Variants in ADAMTSL1 observed in about 807,000 individuals in gnomAD.
The protein encoded by ADAMTSL1 is ADAMTS-like protein 1.
Under a neutral mutation model 201.8 loss-of-function variants are expected in ADAMTSL1, and 126 were observed. The ratio of observed to expected loss-of-function variants is 0.62; its 90% CI spans 0.54 to 0.72. The LOEUF (loss-of-function observed/expected upper bound fraction) is 0.72, where lower values mean the gene tolerates loss of function less well. Ranked by LOEUF, ADAMTSL1 falls within the 30% of genes least tolerant of loss-of-function variation. The pLI is 0.00. For synonymous variants in ADAMTSL1, 1,121 were observed against 903.4 expected, an observed-to-expected ratio of 1.24 and a Z score of -4.32; for missense variants, 2,679 against 2,277.8, an observed-to-expected ratio of 1.18 and a Z score of -3.59.
intron 1 of ADAMTSL1, among the ~76,000 whole-genome samples, chr9:18,033,731 G>T (rs186457362): frequency 4.5e-4 from 68 of 152,276 alleles, no homozygotes; most frequent in African/African-American, 1.4e-3. Flanking sequence ...GCACGCTATA[G>T]TTCCATCTTT....
At chr9:18,778,612 T>A (rs1191699071) in intron 19 of ADAMTSL1, among the ~76,000 whole-genome samples, 1 of 152,222 alleles carries the variant, frequency 6.6e-6, no homozygotes, top group Non-Finnish European at 1.5e-5. Context: ...TTGTACATAT[T>A]TTGTCTCTTT....
At chr9:18,602,762 A>T (rs1824744767) in intron 4 of ADAMTSL1, among the ~76,000 whole-genome samples, 1 of 152,210 alleles carries the variant, frequency 6.6e-6, no homozygotes, top group African/African-American at 2.4e-5. Flanking sequence ...TTCTGTAGGT[A>T]ATCTATGATA....
chr9:18,861,274 C>T (rs761632561), intron 23 of ADAMTSL1, among the ~76,000 whole-genome samples: 1 of 152,210 alleles, frequency 6.6e-6, no homozygotes, highest in African/African-American at 2.4e-5. Flanking sequence ...CCAAAAAGAA[C>T]TGATTCAATC....
chr9:18,310,078 C>G (rs568652936), intron 2 of ADAMTSL1, among the ~76,000 whole-genome samples: 21 of 152,072 alleles, frequency 1.4e-4, no homozygotes, highest in Non-Finnish European at 2.9e-4. Flanking sequence ...CAAATACAAG[C>G]TATGGGGAAA....
chr9:18,502,591 A>G (rs1464972012), intron 1 of ADAMTSL1, among the ~76,000 whole-genome samples: 1 of 152,178 alleles, frequency 6.6e-6, no homozygotes, highest in African/African-American at 2.4e-5. Context: ...TTAAGGATTG[A>G]TTTTAATAAT....
chr9:18,337,584 G>T (rs150806009), intron 2 of ADAMTSL1, among the ~76,000 whole-genome samples: 1 of 152,004 alleles, frequency 6.6e-6, no homozygotes, highest in Non-Finnish European at 1.5e-5. Flanking sequence ...GTTAACCCAG[G>T]GTCACACTGC....
At chr9:18,108,414 G>A (rs1331473948) in intron 1 of ADAMTSL1, among the ~76,000 whole-genome samples, 1 of 151,816 alleles carries the variant, frequency 6.6e-6, no homozygotes, top group Non-Finnish European at 1.5e-5. Flanking sequence ...TGCACAGGCT[G>A]GTCTTGAACT....
chr9:18,317,688 C>T (rs2132835408), intron 2 of ADAMTSL1, among the ~76,000 whole-genome samples: 1 of 152,340 alleles, frequency 6.6e-6, no homozygotes, highest in African/African-American at 2.4e-5. Flanking sequence ...CAGCACCCAG[C>T]CTGCTCACCC....
intron 1 of ADAMTSL1, among the ~76,000 whole-genome samples, chr9:17,991,619 C>T (rs80032922): frequency 6.6e-6 from 1 of 152,202 alleles, no homozygotes; most frequent in South Asian, 2.1e-4. Context: ...CTCCAATGTC[C>T]TACTGCATTG....
chr9:18,294,538 G>T (rs1320034817), intron 2 of ADAMTSL1, among the ~76,000 whole-genome samples: 1 of 152,134 alleles, frequency 6.6e-6, no homozygotes, highest in Non-Finnish European at 1.5e-5. Flanking sequence ...TTCCAGGTTT[G>T]CACAGAGGAG....
chr9:18,885,259 G>A (rs1828779752), intron 23 of ADAMTSL1, among the ~76,000 whole-genome samples: 1 of 152,106 alleles, frequency 6.6e-6, no homozygotes, highest in Admixed American at 6.5e-5. Flanking sequence ...GACAAATAAG[G>A]GCTGAATTCA....
intron 9 of ADAMTSL1, among the ~76,000 whole-genome samples, chr9:18,674,340 C>CG (rs1193870671): frequency 2.0e-5 from 3 of 152,054 alleles, no homozygotes; most frequent in African/African-American, 7.2e-5. Context: ...ATGACCTTCC[C>CG]TCCTGGAAAT....
chr9:18,680,741 T>C, intron 11 of ADAMTSL1: 3 of 544,566 alleles, frequency 5.5e-6, no homozygotes, highest in South Asian at 4.4e-5. Context: ...AAGCCTCTAT[T>C]GTTCCCCAGA....
rs537068354 is a variant in ADAMTSL1 at position 18,332,167 on chromosome 9, G to A, written c.207+168186G>A. On this transcript the variant is annotated intron_variant, in intron 2 of 29. Coordinates refer to the ADAMTSL1 transcript ENST00000680146. ...GTCAATATATTATATAACTACAAAA[G>A]GCACACTCCTCACTGTACTTTTATA... Among the ~76,000 whole-genome samples, 10 of 152,136 alleles carry A rather than the reference G, an allele frequency of 6.6e-5. No homozygotes were observed. The South Asian group carries it at 2.1e-3, about 32-fold the overall frequency.
chr9:18,511,359 A>G (rs969286458), intron 2 of ADAMTSL1, among the ~76,000 whole-genome samples: 2 of 151,854 alleles, frequency 1.3e-5, no homozygotes, highest in Non-Finnish European at 2.9e-5. Flanking sequence ...GCTGTTTCAT[A>G]TCTATCCAAA....
At chr9:17,956,695 C>T (rs1441437445) in intron 1 of ADAMTSL1, among the ~76,000 whole-genome samples, 5 of 152,120 alleles carry the variant, frequency 3.3e-5, no homozygotes, top group Non-Finnish European at 7.3e-5. Context: ...ATGCAAGTCA[C>T]TAAGGCCAGC....
rs1258079815 is a variant in ADAMTSL1 at position 18,084,089 on chromosome 9, C to G, written c.88-79773C>G. On this transcript the variant is annotated intron_variant, in intron 1 of 29. Transcript: ENST00000680146. Reference sequence around the variant, plus strand: ...CCATTTCCCATTGTAGACAAGTTTCCCTACCTCCCAAACAAATTCTTTGCC... The same window carrying G: ...CCATTTCCCATTGTAGACAAGTTTCGCTACCTCCCAAACAAATTCTTTGCC... 2.0e-5 allele frequency among the ~76,000 whole-genome samples: 3 copies of G among 152,198 alleles called. No homozygotes were observed. The East Asian group carries it at 5.8e-4, about 29-fold the overall frequency.
intron 20 of ADAMTSL1, among the ~76,000 whole-genome samples, chr9:18,813,991 A>G (rs919170790): frequency 6.6e-6 from 1 of 152,080 alleles, no homozygotes; most frequent in African/African-American, 2.4e-5. Flanking sequence ...TCTCAACCTA[A>G]TTTGTTATGA....
chr9:18,165,465 A>G (rs1827590278), intron 2 of ADAMTSL1, among the ~76,000 whole-genome samples: 1 of 151,860 alleles, frequency 6.6e-6, no homozygotes, highest in Admixed American at 6.6e-5. Context: ...TATTATTACT[A>G]CCTAATATTA....
Sources: gnomAD v4.1 joint callset for allele counts (sites outside exome capture counted in the v4.1 genomes callset) on GRCh38, gnomAD v4.1.1 for gene constraint, MANE v1.5 for transcripts, NCBI Gene and HGNC (gene_info 2026-07-23, HGNC 2026-07-21) for gene names.